Variants in GUCY2F observed in about 807,000 individuals in gnomAD.
GUCY2F encodes guanylate cyclase 2F, retinal.
Under a neutral mutation model 73.1 loss-of-function variants are expected in GUCY2F, and 61 were observed. The ratio of observed to expected loss-of-function variants is 0.83; its 90% CI spans 0.68 to 1.03. The LOEUF (loss-of-function observed/expected upper bound fraction) is 1.03, where lower values mean the gene tolerates loss of function less well. GUCY2F is among the 50% of genes least tolerant of loss of function. The probability of loss-of-function intolerance (pLI) is 0.00; values close to 1 mark genes in which losing one functional copy is unlikely to be tolerated. For missense variants in GUCY2F, 912 were observed against 854.3 expected, an observed-to-expected ratio of 1.07 and a Z score of -0.84; for synonymous variants, 331 against 307.8, an observed-to-expected ratio of 1.08 and a Z score of -0.79.
At chrX:109,382,279 A>G (rs1427882605) in intron 16 of GUCY2F, 67 bp from the exon 17 acceptor site, 3 of 590,079 alleles carry the variant, frequency 5.1e-6, no homozygotes, top group African/African-American at 2.2e-5. Context: ...GAAAATGTCA[A>G]TGTAATAAAT....
At chrX:109,441,257 C>T in intron 7 of GUCY2F, 94 bp downstream of exon 7, 1 of 506,126 alleles carries the variant, frequency 2.0e-6, no homozygotes, top group Non-Finnish European at 3.1e-6. Flanking sequence ...TTGCCAAAAG[C>T]CCCAGTATTT....
At chrX:109,463,736 C>T (rs375393814) in intron 3 of GUCY2F, among the ~76,000 whole-genome samples, 2 of 111,249 alleles carry the variant, frequency 1.8e-5, no homozygotes, top group East Asian at 5.7e-4. Flanking sequence ...CATGCCCGGC[C>T]GATTTCCTCA....
chrX:109,432,186 A>G (rs967125168), intron 7 of GUCY2F, among the ~76,000 whole-genome samples: 2 of 111,792 alleles, frequency 1.8e-5, no homozygotes, highest in African/African-American at 6.5e-5. Flanking sequence ...ACGTGACTCT[A>G]ATACAGGTGA....
chrX:109,434,322 G>A (rs754238180), intron 7 of GUCY2F, among the ~76,000 whole-genome samples: 16 of 110,142 alleles, frequency 1.5e-4, no homozygotes, highest in Non-Finnish European at 5.7e-5. Context: ...CTGGCAGTCC[G>A]CTCATCTGGC....
intron 8 of GUCY2F, among the ~76,000 whole-genome samples, chrX:109,415,349 C>G (rs980901168): frequency 8.9e-6 from 1 of 112,059 alleles, no homozygotes; most frequent in African/African-American, 3.2e-5. Context: ...TTCAGGAGGC[C>G]TAAATGTGAG....
chrX:109,449,457 A>T (rs955564688), intron 5 of GUCY2F, among the ~76,000 whole-genome samples: 5 of 111,878 alleles, frequency 4.5e-5, no homozygotes, highest in African/African-American at 1.6e-4. Flanking sequence ...ATGTGTGGTG[A>T]ATTGTCTTAA....
At chrX:109,397,857 A>G (rs1306594018) in intron 11 of GUCY2F, among the ~76,000 whole-genome samples, 1 of 109,462 alleles carries the variant, frequency 9.1e-6, no homozygotes, top group Non-Finnish European at 1.9e-5. Context: ...TTTGTCAAGA[A>G]TAACACCGAG....
intron 7 of GUCY2F, among the ~76,000 whole-genome samples, chrX:109,437,476 C>A (rs777026677): frequency 7.1e-5 from 8 of 112,621 alleles, no homozygotes; most frequent in African/African-American, 2.6e-4. Context: ...TACACTATAA[C>A]CTTCCAGCCC....
intron 11 of GUCY2F, 123 bp downstream of exon 11, chrX:109,398,426 G>A: frequency 4.8e-6 from 3 of 629,405 alleles, no homozygotes; most frequent in Non-Finnish European, 7.4e-6. Context: ...CATAACTTGA[G>A]CTGCTTGCAG....
At chrX:109,410,114 T>C (rs1038753916) in intron 8 of GUCY2F, among the ~76,000 whole-genome samples, 1 of 112,057 alleles carries the variant, frequency 8.9e-6, no homozygotes, top group African/African-American at 3.2e-5. Flanking sequence ...GAGTCGGCAT[T>C]GACTGCTGAT....
intron 16 of GUCY2F, among the ~76,000 whole-genome samples, chrX:109,384,983 A>G (rs1266424674): frequency 8.9e-6 from 1 of 111,888 alleles, no homozygotes. Context: ...GTACATGTTC[A>G]GTCCAACATC....
At chrX:109,455,662 A>T (rs1008226951) in intron 3 of GUCY2F, among the ~76,000 whole-genome samples, 3 of 111,070 alleles carry the variant, frequency 2.7e-5, no homozygotes, top group African/African-American at 9.8e-5. Flanking sequence ...GTCTCTCTTC[A>T]TACTGGAGTG....
chrX:109,391,110 A>T (rs1404973206), intron 14 of GUCY2F, among the ~76,000 whole-genome samples: 1 of 112,314 alleles, frequency 8.9e-6, no homozygotes, highest in Non-Finnish European at 1.9e-5. Context: ...AGTATCCATG[A>T]TGCAGACAAT....
rs780930773 is a variant in GUCY2F, at chrX:109,452,120, A to G, written c.1388-13T>C. 56 of 906,362 alleles carry G rather than the reference A, an allele frequency of 6.2e-5. 1 individual carries two copies. The South Asian group carries it at 1.0e-3, about 16-fold the overall frequency. The allele number at this position is 906,362 out of a possible 1,213,427, so 74.7% of individuals were successfully genotyped here. A position where few individuals can be genotyped will look rare whatever the true frequency, so the allele number is the denominator to read the frequency against. On this transcript the variant is annotated splice_polypyrimidine_tract_variant and intron_variant, in intron 4 of 19. Transcript: ENST00000218006. The stretch of plus-strand genomic sequence containing the variant: ...GCAGGGTCGATGCCTGCAGAGAGTG[A>G]GAGGAAGAGGAAGAATGGCATTATC...
At chrX:109,417,866 A>G (rs1421313939) in intron 8 of GUCY2F, among the ~76,000 whole-genome samples, 1 of 111,949 alleles carries the variant, frequency 8.9e-6, no homozygotes, top group African/African-American at 3.2e-5. Context: ...ATAGAAATCA[A>G]GAAAAAAGTA....
At chrX:109,455,893 A>G (rs1306114773) in intron 3 of GUCY2F, among the ~76,000 whole-genome samples, 2 of 112,016 alleles carry the variant, frequency 1.8e-5, no homozygotes, top group Non-Finnish European at 3.8e-5. Context: ...TGAACTCATG[A>G]TATTCACCCC....
chrX:109,440,272 G>A (rs1470705179), intron 7 of GUCY2F, among the ~76,000 whole-genome samples: 1 of 111,374 alleles, frequency 9.0e-6, no homozygotes, highest in Non-Finnish European at 1.9e-5. Context: ...AAGGTAGAAG[G>A]GCAAATTAGC....
At chrX:109,403,996 C>A (rs2147258974) in intron 10 of GUCY2F, among the ~76,000 whole-genome samples, 1 of 112,400 alleles carries the variant, frequency 8.9e-6, no homozygotes, top group African/African-American at 3.2e-5. Context: ...CCAAATTACT[C>A]TCCATTCAAC....
intron 10 of GUCY2F, 101 bp from the exon 11 acceptor site, chrX:109,398,799 T>C: frequency 4.2e-6 from 3 of 715,022 alleles, no homozygotes; most frequent in South Asian, 6.1e-5. Flanking sequence ...GACTGCCTTA[T>C]ATTTTTATTA....
Sources: gnomAD v4.1 joint callset for allele counts (sites outside exome capture counted in the v4.1 genomes callset) on GRCh38, gnomAD v4.1.1 for gene constraint, MANE v1.5 for transcripts, NCBI Gene and HGNC (gene_info 2026-07-23, HGNC 2026-07-21) for gene names.